PGCKA1: variants seen among roughly 807,000 people sequenced by gnomAD.
PGCKA1 encodes PDCD10 and GCKIII kinases associated 1, also known as PDCD10 and GCKIII kinases-associated protein 1.
At chr4:37,538,746 G>A in the PGCKA1 span, among the ~76,000 whole-genome samples, 874 of 152,232 alleles carry the variant, frequency 5.7e-3, 13 homozygotes, top group African/African-American at 0.02. Flanking sequence ...CTCCTGTTTA[G>A]GTTTCTAACT....
At chr4:37,480,025 A>C in the PGCKA1 span, among the ~76,000 whole-genome samples, 171 of 152,362 alleles carry the variant, frequency 1.1e-3, no homozygotes, top group African/African-American at 3.8e-3. Flanking sequence ...TTACAGTTCA[A>C]GTTTCAGTGG....
At chr4:37,528,865 C>T in the PGCKA1 span, among the ~76,000 whole-genome samples, 1 of 152,124 alleles carries the variant, frequency 6.6e-6, no homozygotes, top group Non-Finnish European at 1.5e-5. Context: ...ATGAACAGTT[C>T]TCCTAGTGTA....
chr4:37,458,457 GGT>G, the PGCKA1 span, among the ~76,000 whole-genome samples: 3 of 152,014 alleles, frequency 2.0e-5, no homozygotes, highest in Non-Finnish European at 4.4e-5. Flanking sequence ...AAGCAGTTTG[GGT>G]GGGCTTGGGT....
At chr4:37,590,417 G>T in the PGCKA1 span, 2 of 1,613,316 alleles carry the variant, frequency 1.2e-6, no homozygotes, top group South Asian at 1.1e-5. Context: ...GATGACAGGG[G>T]CTCCTGGGCC....
At chr4:37,555,013 G>C in the PGCKA1 span, among the ~76,000 whole-genome samples, 2 of 152,136 alleles carry the variant, frequency 1.3e-5, no homozygotes, top group South Asian at 2.1e-4. Context: ...TTTAATGAGA[G>C]CTTTTCATTA....
the PGCKA1 span, among the ~76,000 whole-genome samples, chr4:37,466,358 A>G: frequency 3.3e-5 from 5 of 152,208 alleles, no homozygotes; most frequent in African/African-American, 1.2e-4. Context: ...TCTACATCCT[A>G]AAGCACAGAT....
chr4:37,479,080 G>A, the PGCKA1 span, among the ~76,000 whole-genome samples: 1 of 152,184 alleles, frequency 6.6e-6, no homozygotes, highest in African/African-American at 2.4e-5. Context: ...TATCTACAGA[G>A]CAGCATTTTC....
the PGCKA1 span, among the ~76,000 whole-genome samples, chr4:37,557,045 T>A: frequency 6.6e-6 from 1 of 152,226 alleles, no homozygotes; most frequent in African/African-American, 2.4e-5. Context: ...ATTATCTCGA[T>A]ATACAGTCTA....
the PGCKA1 span, among the ~76,000 whole-genome samples, chr4:37,471,879 T>C: frequency 1.3e-5 from 2 of 152,268 alleles, no homozygotes; most frequent in African/African-American, 2.4e-5. Context: ...GGTTTCTAGC[T>C]TAAGAGATGC....
chr4:37,544,515 T>A, the PGCKA1 span, among the ~76,000 whole-genome samples: 5 of 151,774 alleles, frequency 3.3e-5, no homozygotes, highest in Non-Finnish European at 5.9e-5. Context: ...AATTTTTTTT[T>A]ATCTTTTTTA....
the PGCKA1 span, among the ~76,000 whole-genome samples, chr4:37,542,318 A>G: frequency 6.6e-6 from 1 of 152,202 alleles, no homozygotes; most frequent in Non-Finnish European, 1.5e-5. Context: ...TGGGTGCTCA[A>G]ACCGTATCAG....
chr4:37,484,636 G>A, the PGCKA1 span, among the ~76,000 whole-genome samples: 1 of 152,158 alleles, frequency 6.6e-6, no homozygotes, highest in Admixed American at 6.6e-5. Flanking sequence ...AACAGCCTGC[G>A]GAACTGTGAG....
At chr4:37,530,676 G>A in the PGCKA1 span, among the ~76,000 whole-genome samples, 3 of 151,218 alleles carry the variant, frequency 2.0e-5, no homozygotes, top group Non-Finnish European at 4.4e-5. Context: ...TGTCAGTCAC[G>A]TTTGAAAATT....
At chr4:37,475,164 C>T in the PGCKA1 span, among the ~76,000 whole-genome samples, 1 of 152,146 alleles carries the variant, frequency 6.6e-6, no homozygotes, top group Non-Finnish European at 1.5e-5. Flanking sequence ...TCAAACTGAA[C>T]ACAAAAGGTT....
the PGCKA1 span, among the ~76,000 whole-genome samples, chr4:37,571,058 T>C: frequency 6.6e-5 from 10 of 152,302 alleles, no homozygotes; most frequent in African/African-American, 2.4e-4. Flanking sequence ...TTCCTTCATT[T>C]AAATAGTAAG....
At chr4:37,510,993 G>C in the PGCKA1 span, among the ~76,000 whole-genome samples, 1 of 151,656 alleles carries the variant, frequency 6.6e-6, no homozygotes, top group Non-Finnish European at 1.5e-5. Context: ...CACCACCACA[G>C]ACCCACAGGG....
the PGCKA1 span, among the ~76,000 whole-genome samples, chr4:37,488,732 C>G: frequency 1.3e-5 from 2 of 152,076 alleles, no homozygotes; most frequent in Non-Finnish European, 2.9e-5. Context: ...TCACCTCTGG[C>G]CTGCTGATAG....
At chr4:37,487,911 T>G in the PGCKA1 span, among the ~76,000 whole-genome samples, 1 of 152,218 alleles carries the variant, frequency 6.6e-6, no homozygotes, top group East Asian at 1.9e-4. Context: ...TATTGCTTAG[T>G]AGTATTTCAT....
chr4:37,572,432 A>G, the PGCKA1 span, among the ~76,000 whole-genome samples: 1 of 152,234 alleles, frequency 6.6e-6, no homozygotes, highest in Non-Finnish European at 1.5e-5. Context: ...AGAAAAATGC[A>G]AAGAATCCCC....
Sources: gnomAD v4.1 joint callset for allele counts (sites outside exome capture counted in the v4.1 genomes callset) on GRCh38, gnomAD v4.1.1 for gene constraint, MANE v1.5 for transcripts, NCBI Gene and HGNC (gene_info 2026-07-23, HGNC 2026-07-21) for gene names.